The following FAM81A variants were observed in gnomAD, a reference collection of about 807,000 sequenced individuals.
FAM81A encodes protein FAM81A.
A neutral mutation model predicts 46.7 loss-of-function variants in FAM81A; 19 were observed. The observed-to-expected ratio is 0.41, with a 90% CI of 0.28 to 0.60. The LOEUF is 0.60. Ranked by LOEUF, FAM81A falls within the 20% of genes least tolerant of loss-of-function variation. The pLI, the probability that FAM81A is intolerant of heterozygous loss-of-function variation, is 0.34. For synonymous variants in FAM81A, 183 were observed against 152.9 expected (o/e 1.20, Z -1.45); for missense variants, 377 against 453.5 (o/e 0.83, Z 1.53).
rs1008805234 is a variant in FAM81A at position 59,466,241 on chromosome 15, A to G, written c.294+6035A>G. Among the ~76,000 whole-genome samples, 5 of 152,248 alleles carry G rather than the reference A, an allele frequency of 3.3e-5. No individual in the cohort carries two copies. The East Asian group carries it at 9.6e-4, about 29-fold the overall frequency. On this transcript the variant is annotated intron_variant, in intron 3 of 8. Transcript: ENST00000288228. ...TACCCAGTAATGGGATTGCTGGGTC[A>G]AATGGTAATTCTAGTTCTAGATCCC...
chr15:59,402,751 A>C (rs28491525), intron 2 of FAM81A, among the ~76,000 whole-genome samples: 15 of 151,820 alleles, frequency 9.9e-5, no homozygotes, highest in Admixed American at 5.9e-4. Context: ...ATGGGGTTTC[A>C]CCATGTTAGC....
chr15:59,500,343 G>A (rs1438826733), intron 4 of FAM81A, among the ~76,000 whole-genome samples: 1 of 151,834 alleles, frequency 6.6e-6, no homozygotes, highest in Non-Finnish European at 1.5e-5. Context: ...CTTCACCCAG[G>A]CTAGAGTGAA....
At chr15:59,513,971 C>T (rs1357665704) in intron 6 of FAM81A, among the ~76,000 whole-genome samples, 1 of 151,434 alleles carries the variant, frequency 6.6e-6, no homozygotes, top group African/African-American at 2.4e-5. Flanking sequence ...CAAAGTAACA[C>T]AGGAACAGAA....
chr15:59,499,079 A>G (rs2082063906), intron 4 of FAM81A, among the ~76,000 whole-genome samples: 1 of 152,152 alleles, frequency 6.6e-6, no homozygotes, highest in African/African-American at 2.4e-5. Flanking sequence ...GATTTTATCA[A>G]ATGCTTTTTT....
At chr15:59,488,767 A>C (rs981107105) in intron 3 of FAM81A, among the ~76,000 whole-genome samples, 2 of 150,790 alleles carry the variant, frequency 1.3e-5, no homozygotes, top group African/African-American at 4.9e-5. Flanking sequence ...ACTTGAGCTC[A>C]GGAATTTGAG....
intron 4 of FAM81A, among the ~76,000 whole-genome samples, chr15:59,503,979 T>A (rs1325149548): frequency 9.9e-5 from 15 of 152,218 alleles, no homozygotes; most frequent in African/African-American, 3.6e-4. Flanking sequence ...AGAATACTTT[T>A]GAGACTTTTC....
intron 1 of FAM81A, among the ~76,000 whole-genome samples, chr15:59,450,974 C>T (rs76903252): frequency 6.6e-6 from 1 of 152,172 alleles, no homozygotes; most frequent in Non-Finnish European, 1.5e-5. Flanking sequence ...CACCCACACT[C>T]AAAGGGAGAG....
chr15:59,413,417 A>AACACAC (rs535000983), intron 2 of FAM81A, among the ~76,000 whole-genome samples: 2,311 of 134,480 alleles, frequency 0.017, 29 homozygotes, highest in Admixed American at 0.039. Context: ...GAGAGCATTA[A>AACACAC]ACACACACAC....
intron 2 of FAM81A, among the ~76,000 whole-genome samples, chr15:59,429,250 A>G (rs1323084748): frequency 1.3e-5 from 2 of 152,164 alleles, no homozygotes; most frequent in East Asian, 3.8e-4. Flanking sequence ...GTGTTCTGAA[A>G]TTTCAAAGTC....
intron 6 of FAM81A, among the ~76,000 whole-genome samples, chr15:59,509,553 C>T (rs1363900076): frequency 1.3e-5 from 2 of 152,128 alleles, no homozygotes; most frequent in East Asian, 1.9e-4. Context: ...AATAGGGTCA[C>T]AGTCAAGAGA....
At chr15:59,502,074 CA>C (rs2082097002) in intron 4 of FAM81A, among the ~76,000 whole-genome samples, 2 of 151,592 alleles carry the variant, frequency 1.3e-5, no homozygotes, top group Admixed American at 1.3e-4. Context: ...CAATATGTCA[CA>C]TTTACTGTAT....
chr15:59,451,980 A>T (rs2081424489), intron 1 of FAM81A, among the ~76,000 whole-genome samples: 1 of 152,378 alleles, frequency 6.6e-6, no homozygotes, highest in South Asian at 2.1e-4. Context: ...GCTGTGGACA[A>T]CACAGGTCCT....
chr15:59,425,536 C>T (rs1464596492), intron 2 of FAM81A, among the ~76,000 whole-genome samples: 1 of 152,140 alleles, frequency 6.6e-6, no homozygotes, highest in African/African-American at 2.4e-5. Context: ...TACAGTTACA[C>T]ACAGAAAAAT....
At chr15:59,459,173 T>C (rs950641929) in intron 2 of FAM81A, among the ~76,000 whole-genome samples, 3 of 151,948 alleles carry the variant, frequency 2.0e-5, no homozygotes, top group Admixed American at 1.3e-4. Flanking sequence ...TTTTAAATAA[T>C]TTTTTTTGTA....
chr15:59,502,711 G>A (rs1364338253), intron 4 of FAM81A, among the ~76,000 whole-genome samples: 1 of 151,654 alleles, frequency 6.6e-6, no homozygotes, highest in Non-Finnish European at 1.5e-5. Flanking sequence ...TAGTAGAGAC[G>A]GGGTTTTACC....
intron 1 of FAM81A, among the ~76,000 whole-genome samples, chr15:59,400,876 T>G (rs553291695): frequency 6.6e-6 from 1 of 152,354 alleles, no homozygotes; most frequent in East Asian, 1.9e-4. Context: ...ATTCACTGGT[T>G]GATTAGTGTT....
chr15:59,410,878 A>G (rs529027949), intron 2 of FAM81A, among the ~76,000 whole-genome samples: 5 of 152,142 alleles, frequency 3.3e-5, no homozygotes, highest in South Asian at 4.2e-4. Flanking sequence ...AGCCTCCTGA[A>G]TAGCTGGGAT....
intron 3 of FAM81A, among the ~76,000 whole-genome samples, chr15:59,491,569 A>G (rs1490740853): frequency 6.6e-6 from 1 of 152,224 alleles, no homozygotes; most frequent in East Asian, 1.9e-4. Flanking sequence ...CTAAAAGAGT[A>G]TAATTGGGTT....
chr15:59,503,121 A>G (rs1041527070), intron 4 of FAM81A, among the ~76,000 whole-genome samples: 12 of 151,652 alleles, frequency 7.9e-5, no homozygotes, highest in Admixed American at 6.6e-5. Context: ...GGGTGCCTGT[A>G]ATCCCAGCCA....
Sources: allele counts gnomAD v4.1 joint callset (sites outside exome capture counted in the v4.1 genomes callset), GRCh38; gene constraint gnomAD v4.1.1; transcripts MANE v1.5; gene names NCBI Gene and HGNC (gene_info 2026-07-23, HGNC 2026-07-21).